CSMD1: variants seen among roughly 807,000 people sequenced by gnomAD.
The protein encoded by CSMD1 is CUB and Sushi multiple domains 1.
A neutral mutation model predicts 417.5 loss-of-function variants in CSMD1; 213 were observed. The ratio of observed to expected loss-of-function variants is 0.51; its 90% CI spans 0.46 to 0.57. The LOEUF (loss-of-function observed/expected upper bound fraction) is 0.57, where lower values mean the gene tolerates loss of function less well. CSMD1 is among the 20% of genes least tolerant of loss of function. The pLI is 0.00. For synonymous variants in CSMD1, 2,862 were observed against 1,736.8 expected, an observed-to-expected ratio of 1.65 and a Z score of -16.11; for missense variants, 6,923 against 4,529.7, an observed-to-expected ratio of 1.53 and a Z score of -15.17.
At chr8:4,889,214 G>C (rs1445899828) in intron 1 of CSMD1, among the ~76,000 whole-genome samples, 4 of 152,112 alleles carry the variant, frequency 2.6e-5, no homozygotes, top group African/African-American at 9.7e-5. Flanking sequence ...GTCAAAGCTG[G>C]TATCAGTAGG....
Position 4,358,000 on chromosome 8 carries a change from C to T in CSMD1, c.415+61953G>A, listed in dbSNP as rs559140471. ...TAAGATGTATAATAAACATCTCCCT[C>T]CCCTTCCCATGGAACTTCTGTCCTG... On this transcript the variant is annotated intron_variant, in intron 3 of 69. Transcript: ENST00000635120. Among the ~76,000 whole-genome samples the T allele has an allele frequency of 2.1e-4, 32 of 152,272 alleles. 1 individual carries two copies. The South Asian group carries it at 2.9e-3, about 14-fold the overall frequency.
At chr8:3,417,978 G>A (rs1055835626) in intron 12 of CSMD1, among the ~76,000 whole-genome samples, 3 of 152,180 alleles carry the variant, frequency 2.0e-5, no homozygotes, top group African/African-American at 4.8e-5. Flanking sequence ...GTCACCATCA[G>A]TGACATAAGC....
chr8:4,850,475 C>T (rs1585209935), intron 1 of CSMD1, among the ~76,000 whole-genome samples: 1 of 142,934 alleles, frequency 7.0e-6, no homozygotes, highest in Non-Finnish European at 1.5e-5. Context: ...CCTCTCCCTT[C>T]AGTCACATGA....
At chr8:4,280,045 T>C (rs779330211) in intron 3 of CSMD1, among the ~76,000 whole-genome samples, 7 of 152,228 alleles carry the variant, frequency 4.6e-5, no homozygotes, top group South Asian at 4.1e-4. Context: ...AGTGAACTCA[T>C]AGCTAGAACG....
Position 3,412,401 on chromosome 8 carries a change from T to G in CSMD1, c.1562-2796A>C, listed in dbSNP as rs145918478. Among the ~76,000 whole-genome samples, 474 of 152,216 alleles carry G rather than the reference T, an allele frequency of 3.1e-3. 3 individuals carry two copies. The highest frequency in any genetic ancestry group is 0.011 in the African/African-American group (448 of 41,544). ...ACTCAGAACTGAATTTCCAGATGGTTTGAAGGTCTGCTGTGAGGGATATAG... is the reference window on the plus strand; with the variant it reads ...ACTCAGAACTGAATTTCCAGATGGTGTGAAGGTCTGCTGTGAGGGATATAG... On this transcript the variant is annotated intron_variant, in intron 12 of 69. Transcript: ENST00000635120.
rs555796131 is a variant in CSMD1, at chr8:3,937,451, A to C, written c.818+60452T>G. ...GCAACTACCACCCTGATCACTGATC[A>C]TCCATCAACATTGACGAAAGACCTT... On this transcript the variant is annotated intron_variant, in intron 5 of 69. Transcript: ENST00000635120. Among the ~76,000 whole-genome samples, 5 of 152,304 alleles carry C rather than the reference A, an allele frequency of 3.3e-5. No individual in the cohort carries two copies. In the East Asian group the frequency reaches 5.8e-4, roughly 18 times the overall value.
At chr8:4,101,227 G>T (rs953016429) in intron 3 of CSMD1, among the ~76,000 whole-genome samples, 5 of 152,108 alleles carry the variant, frequency 3.3e-5, no homozygotes, top group Admixed American at 1.3e-4. Context: ...TTTTCCTTTT[G>T]TTTTTTGCTG....
intron 55 of CSMD1, among the ~76,000 whole-genome samples, chr8:2,976,164 T>G (rs946053274): frequency 3.6e-4 from 55 of 151,892 alleles, no homozygotes; most frequent in African/African-American, 1.3e-3. Flanking sequence ...TTGTTGAAGT[T>G]AGAATTTGAG....
At chr8:3,710,930 C>A (rs901484327) in intron 6 of CSMD1, among the ~76,000 whole-genome samples, 2 of 152,044 alleles carry the variant, frequency 1.3e-5, no homozygotes, top group African/African-American at 4.8e-5. Flanking sequence ...AGCTGGTCCA[C>A]CTGGAAGGAG....
chr8:3,156,115 A>G (rs1341127445), intron 39 of CSMD1, among the ~76,000 whole-genome samples: 1 of 152,362 alleles, frequency 6.6e-6, no homozygotes, highest in East Asian at 1.9e-4. Flanking sequence ...AATAGCTCCC[A>G]GGACAATTTT....
intron 2 of CSMD1, among the ~76,000 whole-genome samples, chr8:4,491,479 T>C (rs1360766004): frequency 2.6e-5 from 4 of 152,160 alleles, no homozygotes; most frequent in African/African-American, 9.7e-5. Context: ...CTATGGACTT[T>C]TGTTGGTGTA....
At chr8:3,752,702 A>T (rs925744474) in intron 6 of CSMD1, among the ~76,000 whole-genome samples, 3 of 150,128 alleles carry the variant, frequency 2.0e-5, no homozygotes, top group African/African-American at 4.9e-5. Flanking sequence ...AAAAAAAAAA[A>T]AACATATTTT....
intron 1 of CSMD1, among the ~76,000 whole-genome samples, chr8:4,818,241 C>A (rs1436441181): frequency 6.6e-6 from 1 of 152,112 alleles, no homozygotes; most frequent in Non-Finnish European, 1.5e-5. Context: ...ATAGAAAAAT[C>A]ATTCTTTGTA....
At chr8:4,299,053 T>C (rs902639027) in intron 3 of CSMD1, among the ~76,000 whole-genome samples, 1 of 152,118 alleles carries the variant, frequency 6.6e-6, no homozygotes, top group Non-Finnish European at 1.5e-5. Flanking sequence ...AAATAAATAT[T>C]CTCCTGTTAA....
At chr8:3,008,761 C>G (rs1188884871) in intron 52 of CSMD1, among the ~76,000 whole-genome samples, 1 of 152,222 alleles carries the variant, frequency 6.6e-6, no homozygotes, top group African/African-American at 2.4e-5. Flanking sequence ...GCTTTTGCTA[C>G]TGAAAGGAGT....
At chr8:4,402,694 G>A (rs142836675) in intron 3 of CSMD1, among the ~76,000 whole-genome samples, 339 of 151,518 alleles carry the variant, frequency 2.2e-3, no homozygotes, top group African/African-American at 7.7e-3. Context: ...GAAAATAGAA[G>A]CAATGTGAAA....
chr8:4,074,518 A>G (rs572567656), intron 3 of CSMD1, among the ~76,000 whole-genome samples: 33 of 152,222 alleles, frequency 2.2e-4, no homozygotes, highest in South Asian at 1.0e-3. Context: ...ACAAAACATG[A>G]TATTTGAGAA....
chr8:3,756,838 C>A (rs903706831), intron 5 of CSMD1, among the ~76,000 whole-genome samples: 1 of 152,048 alleles, frequency 6.6e-6, no homozygotes, highest in Non-Finnish European at 1.5e-5. Context: ...CTCTTTCACG[C>A]AGGCTGGAGT....
intron 1 of CSMD1, among the ~76,000 whole-genome samples, chr8:4,825,779 C>G (rs1409597308): frequency 8.1e-6 from 1 of 122,740 alleles, no homozygotes; most frequent in Non-Finnish European, 1.8e-5. Flanking sequence ...TTCTACAAAT[C>G]AAATGCAAAA....
Sources: gnomAD v4.1 joint callset for allele counts (sites outside exome capture counted in the v4.1 genomes callset) on GRCh38, gnomAD v4.1.1 for gene constraint, MANE v1.5 for transcripts, NCBI Gene and HGNC (gene_info 2026-07-23, HGNC 2026-07-21) for gene names.